Variants in MEI4 observed in about 807,000 individuals in gnomAD.
MEI4 encodes meiotic double-stranded break formation protein 4, also known as meiosis-specific protein MEI4.
In MEI4, 27 loss-of-function variants were observed where a neutral mutation model predicts 31.4. The observed-to-expected ratio is 0.86, with a 90% CI of 0.63 to 1.19. The LOEUF (loss-of-function observed/expected upper bound fraction) is 1.19. Among genes scored for constraint, MEI4 ranks in the 50% most tolerant of loss-of-function variants. MEI4 has a pLI of 0.00. For synonymous variants in MEI4, 122 were observed against 145.4 expected, an observed-to-expected ratio of 0.84 and a Z score of 1.16; for missense variants, 329 against 398.9, an observed-to-expected ratio of 0.82 and a Z score of 1.49.
intron 1 of MEI4, among the ~76,000 whole-genome samples, chr6:77,668,089 G>A (rs975123045): frequency 1.3e-5 from 2 of 151,616 alleles, no homozygotes; most frequent in Admixed American, 6.6e-5. Context: ...CACTGATTAT[G>A]TCCACCACCA....
intron 1 of MEI4, among the ~76,000 whole-genome samples, chr6:77,665,324 T>C (rs1316778706): frequency 1.3e-5 from 2 of 150,498 alleles, no homozygotes; most frequent in African/African-American, 4.9e-5. Context: ...GGGTGAAAGA[T>C]AAGGGGTTGA....
intron 2 of MEI4, among the ~76,000 whole-genome samples, chr6:77,707,751 A>G (rs1766363589): frequency 1.3e-5 from 2 of 152,204 alleles, no homozygotes; most frequent in Admixed American, 1.3e-4. Context: ...GAAGCTACTC[A>G]CTGCATCCCT....
chr6:77,678,661 TTTGA>T (rs1768893503), intron 1 of MEI4, among the ~76,000 whole-genome samples: 1 of 152,020 alleles, frequency 6.6e-6, no homozygotes, highest in African/African-American at 2.4e-5. Flanking sequence ...AAATATGTTA[TTTGA>T]TTATGTATTT....
At chr6:77,752,518 A>G (rs1053451849) in intron 2 of MEI4, among the ~76,000 whole-genome samples, 35 of 152,220 alleles carry the variant, frequency 2.3e-4, no homozygotes, top group Non-Finnish European at 4.6e-4. Flanking sequence ...ATTGCTACTA[A>G]GAGAATAAAA....
intron 4 of MEI4, among the ~76,000 whole-genome samples, chr6:77,920,036 C>G (rs887178669): frequency 2.0e-5 from 3 of 146,638 alleles, no homozygotes; most frequent in Admixed American, 1.4e-4. Context: ...GAGTCCAGGA[C>G]CAGATGGATT....
chr6:77,721,203 A>G, intron 2 of MEI4, among the ~76,000 whole-genome samples: 1 of 130,424 alleles, frequency 7.7e-6, no homozygotes, highest in African/African-American at 2.9e-5. Context: ...TTGGGTAATG[A>G]TTATCAATAA....
At position 77,801,830 on chromosome 6, in the gene MEI4, G is replaced by C. The variant is rs191348422; in HGVS notation, c.769-27101G>C. On this transcript the variant is annotated intron_variant, in intron 3 of 4. Coordinates refer to ENST00000684080, the MANE Select transcript of MEI4 (RefSeq NM_001322247.2). The stretch of plus-strand genomic sequence containing the variant: ...TGAGTTGTAGTTTGATTGCACTGTG[G>C]TCTGAGAGATAGTTTGTTATAATTT... Among the ~76,000 whole-genome samples, 463 of 152,306 alleles carry C rather than the reference G, an allele frequency of 3.0e-3. 1 individual carries two copies. The highest frequency in any genetic ancestry group is 5.3e-3 in the Non-Finnish European group (358 of 68,028).
At chr6:77,810,154 C>T (rs1769541177) in intron 3 of MEI4, among the ~76,000 whole-genome samples, 2 of 152,100 alleles carry the variant, frequency 1.3e-5, no homozygotes, top group South Asian at 4.2e-4. Context: ...TCATTAATGT[C>T]CACCCAGTCT....
chr6:77,910,686 C>T lies in MEI4; in HGVS notation c.901-12403C>T, dbSNP rs141762904. Reference sequence around the variant, plus strand: ...ATCAAGCTACCAATGAGTTTCTTCACGAATTGGGTATTGGCTATTGTGAAT... The same window carrying T: ...ATCAAGCTACCAATGAGTTTCTTCATGAATTGGGTATTGGCTATTGTGAAT... On this transcript the variant is annotated intron_variant, in intron 4 of 4. Coordinates refer to ENST00000684080, the MANE Select transcript of MEI4 (RefSeq NM_001322247.2). Among the ~76,000 whole-genome samples, 236 of 152,112 alleles carry T rather than the reference C, an allele frequency of 1.6e-3. 1 individual carries two copies. The highest frequency in any genetic ancestry group is 5.3e-3 in the African/African-American group (222 of 41,508).
intron 2 of MEI4, among the ~76,000 whole-genome samples, chr6:77,700,447 C>T (rs548292133): frequency 6.6e-6 from 1 of 152,152 alleles, no homozygotes; most frequent in African/African-American, 2.4e-5. Context: ...GTTGGAAAAG[C>T]GCAGTATTTG....
At chr6:77,896,897 A>T (rs1187411036) in intron 4 of MEI4, among the ~76,000 whole-genome samples, 1 of 152,072 alleles carries the variant, frequency 6.6e-6, no homozygotes, top group African/African-American at 2.4e-5. Context: ...GATACAAAGT[A>T]GCTTAAGAGT....
At chr6:77,734,685 A>C (rs567273452) in intron 2 of MEI4, among the ~76,000 whole-genome samples, 1 of 148,794 alleles carries the variant, frequency 6.7e-6, no homozygotes, top group African/African-American at 2.5e-5. Context: ...TCATTATGTT[A>C]GCTGGTTATT....
chr6:77,905,474 GCTTTTTTTTTTTTTTTTTTT>G (rs1766272970), intron 4 of MEI4, among the ~76,000 whole-genome samples: 1 of 102,122 alleles, frequency 9.8e-6, no homozygotes, highest in Non-Finnish European at 2.0e-5. Flanking sequence ...TAAATTTTCA[GCTTTTTTTTTTTTTTTTTTT>G]TTTTTTTTTT....
In MEI4 at chr6:77,719,169, C is replaced by A. The variant is rs1766656596; in HGVS notation, c.232+28266C>A. The stretch of plus-strand genomic sequence containing the variant: ...TAGAATTGACCTTGAGGTGTCCAAT[C>A]TATAATAGTTCCAAATTCATTGTTT... On this transcript the variant is annotated intron_variant, in intron 2 of 4. Coordinates refer to ENST00000684080, the MANE Select transcript of MEI4 (RefSeq NM_001322247.2). Among the ~76,000 whole-genome samples, 2 of 142,854 alleles carry A rather than the reference C, an allele frequency of 1.4e-5. 1 individual carries two copies. The highest frequency in any genetic ancestry group is 4.4e-4 in the South Asian group (2 of 4,560). 93.7% of individuals were successfully genotyped at this position (142,854 alleles called of 152,430 possible).
At chr6:77,688,849 G>T (rs1384670340) in intron 1 of MEI4, among the ~76,000 whole-genome samples, 1 of 152,068 alleles carries the variant, frequency 6.6e-6, no homozygotes, top group Non-Finnish European at 1.5e-5. Flanking sequence ...GCTTTTCTGA[G>T]AGTAATGAGT....
intron 3 of MEI4, among the ~76,000 whole-genome samples, chr6:77,795,426 T>C (rs1249215621): frequency 6.6e-6 from 1 of 152,006 alleles, no homozygotes; most frequent in Non-Finnish European, 1.5e-5. Context: ...TTGTCCTACC[T>C]ACCCTTGACC....
At chr6:77,695,926 C>T (rs2127654101) in intron 2 of MEI4, among the ~76,000 whole-genome samples, 1 of 152,200 alleles carries the variant, frequency 6.6e-6, no homozygotes, top group African/African-American at 2.4e-5. Flanking sequence ...TGTTTGTGTC[C>T]TCTTTTACTT....
At chr6:77,760,082 G>C (rs1222582213) in intron 2 of MEI4, among the ~76,000 whole-genome samples, 1 of 152,192 alleles carries the variant, frequency 6.6e-6, no homozygotes, top group South Asian at 2.1e-4. Context: ...AAGAGTGACC[G>C]AGAGTAATTA....
intron 2 of MEI4, among the ~76,000 whole-genome samples, chr6:77,730,973 C>G (rs1273941905): frequency 6.6e-6 from 1 of 151,702 alleles, no homozygotes; most frequent in African/African-American, 2.4e-5. Flanking sequence ...TTTTTTATGG[C>G]TGCATAGTAT....
Sources: allele counts gnomAD v4.1 joint callset (sites outside exome capture counted in the v4.1 genomes callset), GRCh38; gene constraint gnomAD v4.1.1; transcripts MANE v1.5; gene names NCBI Gene and HGNC (gene_info 2026-07-23, HGNC 2026-07-21).